NKAIN2: variants seen among roughly 807,000 people sequenced by gnomAD.
NKAIN2 encodes sodium/potassium transporting ATPase interacting 2.
NKAIN2 carries 14 observed loss-of-function variants against 32.6 expected under a neutral mutation model. The ratio of observed to expected loss-of-function variants is 0.43; its 90% CI spans 0.28 to 0.67. The LOEUF (loss-of-function observed/expected upper bound fraction) is 0.67, where lower values mean the gene tolerates loss of function less well. Among genes scored for constraint, NKAIN2 ranks in the 30% least tolerant of loss-of-function variants. The pLI, the probability that NKAIN2 is intolerant of heterozygous loss-of-function variation, is 0.17. For missense variants in NKAIN2, 198 were observed against 258.3 expected, an observed-to-expected ratio of 0.77 and a Z score of 1.60; for synonymous variants, 80 against 87.2, an observed-to-expected ratio of 0.92 and a Z score of 0.46.
At chr6:123,942,930 T>G (rs1776886909) in intron 1 of NKAIN2, among the ~76,000 whole-genome samples, 1 of 152,062 alleles carries the variant, frequency 6.6e-6, no homozygotes, top group South Asian at 2.1e-4. Flanking sequence ...GTACTCTTAC[T>G]AAACGATTAT....
At chr6:124,788,255 T>C (rs9388374) in intron 4 of NKAIN2, among the ~76,000 whole-genome samples, 75,810 of 151,878 alleles carry the variant, frequency 0.5, 19,077 homozygotes, top group South Asian at 0.6. Flanking sequence ...CAGTCTTGAT[T>C]GTAGGATGTT....
chr6:124,037,586 G>A lies in NKAIN2; in HGVS notation c.54+233332G>A, dbSNP rs943386162. ...CATGGAATCAAATTGGATTAAGTCA[G>A]TATTGTCTTCCCAATACATCAAAGA... is the stretch of plus-strand genomic sequence containing the variant. On this transcript the variant is annotated intron_variant, in intron 1 of 6. Coordinates refer to ENST00000368417, the MANE Select transcript of NKAIN2 (RefSeq NM_001040214.3). 2.0e-5 allele frequency among the ~76,000 whole-genome samples: 3 copies of A among 152,050 alleles called. No homozygotes were observed. In the East Asian group the frequency reaches 5.8e-4, roughly 29 times the overall value.
intron 1 of NKAIN2, among the ~76,000 whole-genome samples, chr6:124,143,122 C>A (rs1787223115): frequency 6.6e-6 from 1 of 152,156 alleles, no homozygotes; most frequent in Non-Finnish European, 1.5e-5. Context: ...CATATTTAAA[C>A]ACAAACATAT....
intron 1 of NKAIN2, among the ~76,000 whole-genome samples, chr6:124,013,599 A>G (rs546065696): frequency 2.3e-4 from 35 of 152,308 alleles, no homozygotes; most frequent in African/African-American, 8.2e-4. Flanking sequence ...TGGTAAATAG[A>G]ATACTGGTCC....
intron 3 of NKAIN2, among the ~76,000 whole-genome samples, chr6:124,483,100 C>T (rs1351528075): frequency 6.6e-6 from 1 of 150,962 alleles, no homozygotes; most frequent in Non-Finnish European, 1.5e-5. Flanking sequence ...CCAGCCTGGA[C>T]GACAGAGACT....
intron 1 of NKAIN2, among the ~76,000 whole-genome samples, chr6:124,201,915 T>G: frequency 6.6e-6 from 1 of 152,008 alleles, no homozygotes; most frequent in East Asian, 1.9e-4. Flanking sequence ...CCTATTTTCT[T>G]TTTGTATTTT....
chr6:124,366,548 A>T (rs1015890192), intron 3 of NKAIN2, among the ~76,000 whole-genome samples: 13 of 152,170 alleles, frequency 8.5e-5, no homozygotes, highest in African/African-American at 3.1e-4. Context: ...TCTTTCTAAG[A>T]ATACAGCAGA....
intron 3 of NKAIN2, among the ~76,000 whole-genome samples, chr6:124,510,444 T>C (rs1778666560): frequency 6.6e-6 from 1 of 152,140 alleles, no homozygotes; most frequent in African/African-American, 2.4e-5. Context: ...TCAAGAGGGG[T>C]CCAGTGTAAT....
intron 3 of NKAIN2, among the ~76,000 whole-genome samples, chr6:124,478,691 T>G (rs80258875): frequency 0.024 from 3,681 of 152,316 alleles, 127 homozygotes; most frequent in African/African-American, 0.084. Flanking sequence ...AGTAAATGAT[T>G]GAATACATGA....
intron 3 of NKAIN2, 107 bp from the exon 4 acceptor site, chr6:124,658,076 AAAC>A: frequency 1.2e-6 from 1 of 847,122 alleles, no homozygotes; most frequent in Non-Finnish European, 1.8e-6. Context: ...AGGAAAAAAA[AAAC>A]AAACAAACCC....
At position 124,411,513 on chromosome 6, in the gene NKAIN2, A is replaced by T. The variant is rs1423994822; in HGVS notation, c.273+56166A>T. 3.3e-5 allele frequency among the ~76,000 whole-genome samples: 5 copies of T among 152,284 alleles called. No individual in the cohort carries two copies. The East Asian group carries it at 7.7e-4, about 24-fold the overall frequency. Reference sequence around the variant, plus strand: ...TTAAGAATGCTGAATATTGGCCCCCAGTCTCTTCTGGCTTGTAGAGTTTCT... The same window carrying T: ...TTAAGAATGCTGAATATTGGCCCCCTGTCTCTTCTGGCTTGTAGAGTTTCT... On this transcript the variant is annotated intron_variant, in intron 3 of 6. Coordinates refer to ENST00000368417, the MANE Select transcript of NKAIN2 (RefSeq NM_001040214.3).
chr6:124,307,686 A>C (rs1022701832), intron 2 of NKAIN2, among the ~76,000 whole-genome samples: 6 of 152,184 alleles, frequency 3.9e-5, no homozygotes, highest in Non-Finnish European at 8.8e-5. Context: ...TATTCTCTTA[A>C]AGCAATGTAA....
At chr6:124,125,877 GGAGCATTCACAAGCCACT>G (rs1786139933) in intron 1 of NKAIN2, among the ~76,000 whole-genome samples, 2 of 152,182 alleles carry the variant, frequency 1.3e-5, no homozygotes, top group East Asian at 3.9e-4. Flanking sequence ...TGCATTCTCA[GGAGCATTCACAAGCCACT>G]TGTCATCCTT....
At chr6:124,071,444 G>A (rs985106902) in intron 1 of NKAIN2, among the ~76,000 whole-genome samples, 2 of 152,086 alleles carry the variant, frequency 1.3e-5, no homozygotes, top group South Asian at 2.1e-4. Flanking sequence ...GTCCTCAAAA[G>A]CAATTGCAAC....
rs187463465 is a variant in NKAIN2 at position 124,193,791 on chromosome 6, T to C, written c.55-89214T>C. Among the ~76,000 whole-genome samples, 176 of 152,154 alleles carry C rather than the reference T, an allele frequency of 1.2e-3. 1 individual carries two copies. Among genetic ancestry groups the C allele is most frequent in the Non-Finnish European group, 1.8e-3 (123 of 67,988 alleles). Reference sequence around the variant, plus strand: ...AAGGAGACCCACAGCGGGTAGCTTCTTTCTGCTGCCAGGGTGTCCTGAGGA... The same window carrying C: ...AAGGAGACCCACAGCGGGTAGCTTCCTTCTGCTGCCAGGGTGTCCTGAGGA... On this transcript the variant is annotated intron_variant, in intron 1 of 6. Transcript: ENST00000368417.
intron 3 of NKAIN2, among the ~76,000 whole-genome samples, chr6:124,484,018 G>A (rs1777556438): frequency 6.6e-6 from 1 of 152,190 alleles, no homozygotes; most frequent in Non-Finnish European, 1.5e-5. Flanking sequence ...GCAGAACTAT[G>A]TCAGGAGCAC....
At chr6:124,325,489 G>C (rs548606895) in intron 2 of NKAIN2, among the ~76,000 whole-genome samples, 31 of 151,900 alleles carry the variant, frequency 2.0e-4, no homozygotes, top group African/African-American at 7.5e-4. Context: ...AAAAAAACAG[G>C]AAAAAAATTG....
intron 1 of NKAIN2, among the ~76,000 whole-genome samples, chr6:123,837,422 C>T (rs1774676714): frequency 6.6e-6 from 1 of 152,184 alleles, no homozygotes; most frequent in South Asian, 2.1e-4. Context: ...TCCTTGACAA[C>T]TCTTGTTTCT....
intron 3 of NKAIN2, among the ~76,000 whole-genome samples, chr6:124,394,505 A>T (rs1184556164): frequency 6.9e-6 from 1 of 144,528 alleles, no homozygotes; most frequent in Non-Finnish European, 1.6e-5. Flanking sequence ...ATAGATAGAT[A>T]GATTAGATAG....
Sources: allele counts gnomAD v4.1 joint callset (sites outside exome capture counted in the v4.1 genomes callset), GRCh38; gene constraint gnomAD v4.1.1; transcripts MANE v1.5; gene names NCBI Gene and HGNC (gene_info 2026-07-23, HGNC 2026-07-21).